The following ADAMTSL3 variants were observed in gnomAD, a reference collection of about 807,000 sequenced individuals.
ADAMTSL3 encodes the protein ADAMTS like 3.
Under a neutral mutation model 201.7 loss-of-function variants are expected in ADAMTSL3, and 128 were observed. The observed-to-expected ratio is 0.63, with a 90% CI of 0.55 to 0.73. ADAMTSL3 has a LOEUF of 0.73. Among genes scored for constraint, ADAMTSL3 ranks in the 30% least tolerant of loss-of-function variants. ADAMTSL3 has a pLI of 0.00. For synonymous variants in ADAMTSL3, 738 were observed against 748.4 expected, an observed-to-expected ratio of 0.99 and a Z score of 0.23; for missense variants, 1,990 against 2,119.6, an observed-to-expected ratio of 0.94 and a Z score of 1.20.
At chr15:83,999,660 G>A (rs574439423) in intron 23 of ADAMTSL3, among the ~76,000 whole-genome samples, 2 of 152,216 alleles carry the variant, frequency 1.3e-5, no homozygotes, top group Admixed American at 6.5e-5. Context: ...CTGGGTCAAA[G>A]CAGGGCACTT....
intron 3 of ADAMTSL3, among the ~76,000 whole-genome samples, chr15:83,766,605 A>G (rs1254296812): frequency 3.9e-5 from 6 of 152,296 alleles, no homozygotes; most frequent in Non-Finnish European, 5.9e-5. Context: ...GGGCTGCTGT[A>G]TTTGACTGGA....
chr15:84,031,392 C>G lies in ADAMTSL3; in HGVS notation c.4714C>G (p.Gln1572Glu), dbSNP rs1166229435. 6.2e-7 allele frequency: 1 copy of G among 1,614,058 alleles called. No individual in the cohort carries two copies. Among genetic ancestry groups the G allele is most frequent in the Admixed American group, 1.7e-5 (1 of 60,014 alleles). ...GATGCAGCAGCGTCACACAGCTTGT[C>G]AACACAACAGCTCTGACTCCAACTG... ...VRMQQRHTAC[Q>E]HNSSDSNCDD... Residue 1572 changes from glutamine to glutamate, a missense_variant, in exon 28 of 30, where the codon CAA (glutamine) becomes GAA (glutamate). Coordinates refer to ENST00000286744, the MANE Select transcript of ADAMTSL3 (RefSeq NM_207517.3).
rs1233504331 is a variant in ADAMTSL3, at chr15:83,903,943, A to G, written c.1700+4212A>G. Among the ~76,000 whole-genome samples the G allele has an allele frequency of 1.3e-4, 11 of 85,280 alleles. 1 individual carries two copies. Among genetic ancestry groups the G allele is most frequent in the East Asian group, 7.3e-4 (1 of 1,372 alleles). 55.9% of individuals were successfully genotyped at this position (85,280 alleles called of 152,430 possible). A position where few individuals can be genotyped will look rare whatever the true frequency, so the allele number is the denominator to read the frequency against. On this transcript the variant is annotated intron_variant, in intron 15 of 29. Transcript: ENST00000286744. ...AAAAAAAAAAAAAAAAAAAAAAAAA[A>G]AGAAAAAAGAAAGAAAGAAAGAAAG... is the stretch of plus-strand genomic sequence containing the variant.
intron 2 of ADAMTSL3, among the ~76,000 whole-genome samples, chr15:83,657,587 T>C (rs1179519253): frequency 6.6e-6 from 1 of 152,248 alleles, no homozygotes; most frequent in Non-Finnish European, 1.5e-5. Context: ...TAATCCATTG[T>C]GAAGTGGAAA....
intron 4 of ADAMTSL3, among the ~76,000 whole-genome samples, chr15:83,779,303 G>A (rs2063128435): frequency 1.3e-5 from 2 of 152,186 alleles, no homozygotes; most frequent in Non-Finnish European, 2.9e-5. Context: ...CAAAACAACA[G>A]AATATACATT....
intron 26 of ADAMTSL3, among the ~76,000 whole-genome samples, chr15:84,021,893 A>G (rs1394222942): frequency 6.6e-6 from 1 of 152,168 alleles, no homozygotes; most frequent in Non-Finnish European, 1.5e-5. Context: ...TGCTTCCTGC[A>G]CACACAATCC....
At chr15:84,021,374 T>C (rs745744991) in intron 25 of ADAMTSL3, 36 bp from the exon 26 acceptor site, 1 of 1,610,672 alleles carries the variant, frequency 6.2e-7, no homozygotes, top group Non-Finnish European at 8.5e-7. Context: ...CATTTCTCTT[T>C]TGGGGCTGGC....
intron 23 of ADAMTSL3, among the ~76,000 whole-genome samples, chr15:84,008,561 T>C (rs1007868454): frequency 6.6e-6 from 1 of 152,238 alleles, no homozygotes; most frequent in African/African-American, 2.4e-5. Context: ...CCCTGATCTC[T>C]AAGTTGAACT....
intron 19 of ADAMTSL3, among the ~76,000 whole-genome samples, chr15:83,958,231 GAGACCA>G (rs910316772): frequency 5.3e-5 from 8 of 152,320 alleles, no homozygotes; most frequent in African/African-American, 1.7e-4. Flanking sequence ...AAATAGGTCT[GAGACCA>G]ATCAGCCAAA....
At chr15:83,721,953 G>A (rs1302705419) in intron 3 of ADAMTSL3, among the ~76,000 whole-genome samples, 1 of 152,000 alleles carries the variant, frequency 6.6e-6, no homozygotes, top group Non-Finnish European at 1.5e-5. Flanking sequence ...GGCTGGTCTC[G>A]AACTCCTGAC....
chr15:83,800,335 G>A (rs545238934), intron 4 of ADAMTSL3, among the ~76,000 whole-genome samples: 2 of 152,206 alleles, frequency 1.3e-5, no homozygotes, highest in East Asian at 1.9e-4. Context: ...TTGTAGGAGA[G>A]TTGTACATAC....
rs1157198460 is a variant in ADAMTSL3, at chr15:83,906,622, CCACACACACACACA to C, written c.1701-6427_1701-6414del. Among the ~76,000 whole-genome samples the C allele has an allele frequency of 2.3e-3, 179 of 79,038 alleles. 3 individuals carry two copies. The highest frequency in any genetic ancestry group is 7.8e-3 in the East Asian group (17 of 2,166). 51.9% of individuals were successfully genotyped at this position (79,038 alleles called of 152,430 possible). A position where few individuals can be genotyped will look rare whatever the true frequency, so the allele number is the denominator to read the frequency against. On this transcript the variant is annotated intron_variant, in intron 15 of 29. Transcript: ENST00000286744. ...CTATATATTTATATAGTGCCACACA[CCACACACACACACA>C]CACACACACACACACACACACACAC...
intron 7 of ADAMTSL3, among the ~76,000 whole-genome samples, chr15:83,856,180 C>T (rs1214894654): frequency 7.8e-4 from 107 of 137,516 alleles, no homozygotes; most frequent in Non-Finnish European, 9.4e-4. Flanking sequence ...TTTTTTTTTT[C>T]CCCCTGAGAC....
intron 6 of ADAMTSL3, among the ~76,000 whole-genome samples, chr15:83,831,670 A>T (rs974618356): frequency 3.9e-5 from 6 of 152,138 alleles, no homozygotes; most frequent in African/African-American, 1.4e-4. Context: ...CTGGGACTAC[A>T]GGTGTGCCAC....
chr15:84,039,286 G>A lies in ADAMTSL3; in HGVS notation c.*1480G>A, dbSNP rs1233357630. 1.3e-5 allele frequency: 2 copies of A among 152,600 alleles called. No individual in the cohort carries two copies. Among genetic ancestry groups the A allele is most frequent in the African/African-American group, 4.8e-5 (2 of 41,418 alleles). 9.5% of individuals were successfully genotyped at this position (152,600 alleles called of 1,614,324 possible). On this transcript the variant is annotated 3_prime_UTR_variant, in exon 30 of 30. Coordinates refer to ENST00000286744, the MANE Select transcript of ADAMTSL3 (RefSeq NM_207517.3). ...TCCTGGTCAGTAATAACTGAACAGT[G>A]CATTTTGGCTTTGGATGTGTCTGTG...
chr15:83,952,362 T>TA (rs1436138980), intron 19 of ADAMTSL3, among the ~76,000 whole-genome samples: 3 of 152,206 alleles, frequency 2.0e-5, no homozygotes, highest in Admixed American at 2.0e-4. Flanking sequence ...AAGACTTCTG[T>TA]AGGGCTGAAC....
intron 3 of ADAMTSL3, among the ~76,000 whole-genome samples, chr15:83,717,104 T>G (rs575763386): frequency 6.6e-6 from 1 of 152,246 alleles, no homozygotes; most frequent in East Asian, 1.9e-4. Flanking sequence ...TCATGAAAAA[T>G]TATAATACCT....
intron 4 of ADAMTSL3, among the ~76,000 whole-genome samples, chr15:83,776,242 CT>C (rs1336801891): frequency 2.0e-5 from 3 of 152,184 alleles, no homozygotes; most frequent in African/African-American, 7.2e-5. Context: ...CACAGCACAC[CT>C]TTCTCAATGA....
intron 2 of ADAMTSL3, among the ~76,000 whole-genome samples, chr15:83,656,771 C>T (rs958198877): frequency 1.3e-5 from 2 of 152,166 alleles, no homozygotes; most frequent in African/African-American, 4.8e-5. Context: ...CCTGTGTACC[C>T]TCAGGGTCTC....
Sources: gnomAD v4.1 joint callset for allele counts (sites outside exome capture counted in the v4.1 genomes callset) on GRCh38, gnomAD v4.1.1 for gene constraint, MANE v1.5 for transcripts, NCBI Gene and HGNC (gene_info 2026-07-23, HGNC 2026-07-21) for gene names.